The following FRAS1 variants were observed in gnomAD, a reference collection of about 807,000 sequenced individuals.
FRAS1 encodes the protein extracellular matrix organizing protein FRAS1.
FRAS1 carries 290 observed loss-of-function variants against 435.2 expected under a neutral mutation model. The observed-to-expected ratio is 0.67, with a 90% CI of 0.61 to 0.73. FRAS1 has a LOEUF of 0.73. FRAS1 is among the 30% of genes least tolerant of loss of function. FRAS1 has a pLI of 0.00. For synonymous variants in FRAS1, 1,800 were observed against 1,851.0 expected, an observed-to-expected ratio of 0.97 and a Z score of 0.71; for missense variants, 4,860 against 5,001.5, an observed-to-expected ratio of 0.97 and a Z score of 0.85.
At position 78,508,854 on chromosome 4, in the gene FRAS1, G is replaced by A. The variant is rs145189350; in HGVS notation, c.9628G>A (p.Ala3210Thr). 1.1e-4 allele frequency: 176 copies of A among 1,613,760 alleles called. No homozygotes were observed. The East Asian group carries it at 3.4e-3, about 31-fold the overall frequency. The part of the protein sequence containing the change: ...TPCDPHFPRY[A>T]VMKERCSEAG... ...CTGCGACCCTCATTTCCCCAGATAC[G>A]CTGTCATGAAGGAGCGCTGCAGTGA... The change falls in exon 63 of 74, where the codon GCT (alanine) becomes ACT (threonine). Residue 3210 changes from alanine (A) to threonine (T), a missense_variant. Coordinates refer to ENST00000512123, the MANE Select transcript of FRAS1 (RefSeq NM_025074.7).
chr4:78,445,596 A>G lies in FRAS1; in HGVS notation c.5740A>G (p.Ile1914Val). The change falls in exon 42 of 74, where the codon ATT becomes GTT. Residue 1914 changes from isoleucine to valine, a missense_variant. By Grantham distance (29) the Ile-to-Val change is conservative. Transcript: ENST00000512123. ...FPIQDVLENYIYYFQSVHESI... is the reference protein window; with the variant it reads ...FPIQDVLENYVYYFQSVHESI... The stretch of plus-strand genomic sequence containing the variant: ...TATTCAAGACGTCCTGGAAAACTAC[A>G]TTTACTACTTTCAGAGTGTTCATGA... 1 of 1,613,548 alleles carries G rather than the reference A, an allele frequency of 6.2e-7. No homozygotes were observed. The highest frequency in any genetic ancestry group is 8.5e-7 in the Non-Finnish European group (1 of 1,179,672).
In FRAS1 at chr4:78,469,962, C is replaced by T. The variant is rs755520659; in HGVS notation, c.7258-16C>T. ...ACTTGTGAATGATGAGTTTTCTTTT[C>T]TGCCCTCCCCTTCAGATTATGACAG... On this transcript the variant is annotated splice_polypyrimidine_tract_variant and intron_variant, in intron 50 of 73. Transcript: ENST00000512123. 1 of 1,591,512 alleles carries T rather than the reference C, an allele frequency of 6.3e-7. No individual in the cohort carries two copies. The highest frequency in any genetic ancestry group is 1.1e-5 in the South Asian group (1 of 89,856).
intron 14 of FRAS1, among the ~76,000 whole-genome samples, chr4:78,298,042 A>C (rs1049036435): frequency 9.4e-5 from 13 of 138,000 alleles, no homozygotes; most frequent in African/African-American, 3.2e-4. Flanking sequence ...ATATATATAT[A>C]TATATATATA....
intron 2 of FRAS1, among the ~76,000 whole-genome samples, chr4:78,115,149 T>C (rs1203938136): frequency 6.6e-6 from 1 of 151,452 alleles, no homozygotes; most frequent in African/African-American, 2.4e-5. Flanking sequence ...TTTTGTATGT[T>C]GAACCAGCCT....
rs757428643 is a variant in FRAS1, at chr4:78,374,192, A to G, written c.3092A>G (p.Gln1031Arg). The G allele has an allele frequency of 2.5e-5, 40 of 1,607,696 alleles. No individual in the cohort carries two copies. The highest frequency in any genetic ancestry group is 3.1e-5 in the Non-Finnish European group (36 of 1,175,480). ...GGGCCATTTCTCCTCTTGGAAGCCC[A>G]GTGTGTCCAGGAATGTGGGAAGGGG... ...CKGPFLLLEA[Q>R]CVQECGKGYF... The change falls in exon 25 of 74, where the codon CAG (glutamine) becomes CGG (arginine). Residue 1031 changes from glutamine (Q) to arginine (R), a missense_variant. Transcript: ENST00000512123.
intron 18 of FRAS1, among the ~76,000 whole-genome samples, chr4:78,330,038 T>C (rs903547154): frequency 2.0e-5 from 3 of 152,092 alleles, no homozygotes; most frequent in African/African-American, 7.2e-5. Flanking sequence ...CACATTTATA[T>C]AAAAAGAAGG....
At chr4:78,071,204 T>C (rs962687996) in intron 2 of FRAS1, 1 of 152,214 alleles carries the variant, frequency 6.6e-6, no homozygotes, top group African/African-American at 2.4e-5. Flanking sequence ...CTTTGGAGTT[T>C]GAATCTTGGC....
At chr4:78,362,739 T>A (rs1314307066) in intron 20 of FRAS1, among the ~76,000 whole-genome samples, 1 of 152,142 alleles carries the variant, frequency 6.6e-6, no homozygotes, top group Non-Finnish European at 1.5e-5. Context: ...TGTTGAGTGA[T>A]GAAAACATTT....
chr4:78,141,719 C>T (rs1191714794), intron 2 of FRAS1, among the ~76,000 whole-genome samples: 2 of 152,054 alleles, frequency 1.3e-5, no homozygotes, highest in African/African-American at 4.8e-5. Context: ...ATTGCAAAAT[C>T]GTGGAACCAA....
At chr4:78,331,661 G>A (rs1166716007) in intron 18 of FRAS1, among the ~76,000 whole-genome samples, 3 of 152,178 alleles carry the variant, frequency 2.0e-5, no homozygotes, top group African/African-American at 7.2e-5. Flanking sequence ...TGTACTCAGA[G>A]GGTGTCTCTG....
intron 2 of FRAS1, among the ~76,000 whole-genome samples, chr4:78,215,430 G>T (rs1332564870): frequency 6.6e-6 from 1 of 152,092 alleles, no homozygotes; most frequent in Non-Finnish European, 1.5e-5. Flanking sequence ...TCTTGACCTC[G>T]TGATCTGCCT....
At chr4:78,065,925 G>C in intron 1 of FRAS1, 60 bp from the exon 2 acceptor site, 1 of 1,269,506 alleles carries the variant, frequency 7.9e-7, no homozygotes, top group Non-Finnish European at 1.1e-6. Context: ...AGCTTGCTGG[G>C]GCAGTGCCTA....
intron 4 of FRAS1, among the ~76,000 whole-genome samples, chr4:78,250,995 T>G (rs1472646678): frequency 6.6e-6 from 1 of 152,238 alleles, no homozygotes; most frequent in Non-Finnish European, 1.5e-5. Context: ...CTGCAATTTT[T>G]AAGATCAGTT....
rs570962669 is a variant in FRAS1 at position 78,372,787 on chromosome 4, A to G, written c.2939A>G (p.Tyr980Cys). The G allele has an allele frequency of 1.4e-4, 219 of 1,613,162 alleles. No homozygotes were observed. The highest frequency in any genetic ancestry group is 1.8e-4 in the Middle Eastern group (1 of 5,610). ...GACTGCCTGCAGTGCATGGATGGCTATGTTCTCCAGGATGGGGCCTGCGTG... is the reference window on the plus strand; with the variant it reads ...GACTGCCTGCAGTGCATGGATGGCTGTGTTCTCCAGGATGGGGCCTGCGTG... ...KTDCLQCMDG[Y>C]VLQDGACVEQ... The change falls in exon 24 of 74, where the codon TAT becomes TGT. Residue 980 changes from tyrosine to cysteine, a missense_variant. Physicochemically the swap from Tyr to Cys is radical, Grantham distance 194. Transcript: ENST00000512123.
At chr4:78,447,614 A>C (rs1718893235) in intron 43 of FRAS1, among the ~76,000 whole-genome samples, 1 of 152,172 alleles carries the variant, frequency 6.6e-6, no homozygotes, top group African/African-American at 2.4e-5. Flanking sequence ...CTTCAATCTA[A>C]AGATGCTTAG....
At chr4:78,089,200 G>A (rs1431723532) in intron 2 of FRAS1, among the ~76,000 whole-genome samples, 4 of 146,682 alleles carry the variant, frequency 2.7e-5, no homozygotes, top group East Asian at 2.1e-4. Context: ...AATACCGCAT[G>A]TTCTCACTCA....
intron 61 of FRAS1, among the ~76,000 whole-genome samples, chr4:78,507,151 G>A (rs756025562): frequency 2.6e-5 from 4 of 152,130 alleles, no homozygotes; most frequent in Admixed American, 2.6e-4. Context: ...ATTACTGCCA[G>A]CCAGTGTCAG....
chr4:78,537,546 T>C (rs1017582078), intron 72 of FRAS1, among the ~76,000 whole-genome samples: 2 of 152,310 alleles, frequency 1.3e-5, no homozygotes, highest in African/African-American at 4.8e-5. Context: ...TCATACTTAT[T>C]CCCTCATGAG....
chr4:78,088,892 C>G (rs1316943919), intron 2 of FRAS1, among the ~76,000 whole-genome samples: 5 of 152,136 alleles, frequency 3.3e-5, no homozygotes, highest in Non-Finnish European at 7.3e-5. Flanking sequence ...GGATCTTGAA[C>G]TAGAAATACC....
Sources: allele counts gnomAD v4.1 joint callset (sites outside exome capture counted in the v4.1 genomes callset), GRCh38; gene constraint gnomAD v4.1.1; transcripts MANE v1.5; gene names NCBI Gene and HGNC (gene_info 2026-07-23, HGNC 2026-07-21).